The following PLXDC2 variants were observed in gnomAD, a reference collection of about 807,000 sequenced individuals.
PLXDC2 encodes plexin domain-containing protein 2.
PLXDC2 carries 40 observed loss-of-function variants against 68.9 expected under a neutral mutation model. The observed-to-expected ratio is 0.58, with a 90% CI of 0.45 to 0.76. The LOEUF is 0.76. Ranked by LOEUF, PLXDC2 falls within the 30% of genes least tolerant of loss-of-function variation. The probability of loss-of-function intolerance (pLI) is 0.00; values close to 1 mark genes in which losing one functional copy is unlikely to be tolerated. For missense variants in PLXDC2, 644 were observed against 661.9 expected (o/e 0.97, Z 0.30); for synonymous variants, 243 against 234.2 (o/e 1.04, Z -0.34).
intron 9 of PLXDC2, among the ~76,000 whole-genome samples, chr10:20,184,990 A>T (rs61854618): frequency 0.24 from 36,085 of 151,204 alleles, 5,647 homozygotes; most frequent in Middle Eastern, 0.36. Context: ...ACACACTGGG[A>T]CCCGTCAGGG....
intron 2 of PLXDC2, among the ~76,000 whole-genome samples, chr10:20,021,745 G>A (rs1835313437): frequency 6.6e-6 from 1 of 151,452 alleles, no homozygotes; most frequent in Non-Finnish European, 1.5e-5. Context: ...TGTTGCCCAG[G>A]CTGGAGTGCA....
chr10:19,941,476 T>G (rs1487860894), intron 1 of PLXDC2, among the ~76,000 whole-genome samples: 1 of 152,360 alleles, frequency 6.6e-6, no homozygotes, highest in African/African-American at 2.4e-5. Context: ...GAGCATTTTG[T>G]TGGCACATTG....
intron 1 of PLXDC2, among the ~76,000 whole-genome samples, chr10:19,848,825 A>T (rs368198795): frequency 1.3e-5 from 2 of 151,570 alleles, no homozygotes; most frequent in South Asian, 4.2e-4. Flanking sequence ...GAAGGGGAGG[A>T]TGGCAGGTTT....
At chr10:20,089,841 A>G (rs1833252834) in intron 4 of PLXDC2, among the ~76,000 whole-genome samples, 1 of 152,252 alleles carries the variant, frequency 6.6e-6, no homozygotes. Flanking sequence ...AGAAACACAG[A>G]ACAAATAAAA....
chr10:20,199,921 G>T (rs891229278), intron 9 of PLXDC2, among the ~76,000 whole-genome samples: 46 of 151,808 alleles, frequency 3.0e-4, no homozygotes, highest in African/African-American at 1.0e-3. Context: ...TTTTAAATTT[G>T]GTTCTTACTT....
At chr10:20,153,704 C>G (rs1168980867) in intron 6 of PLXDC2, among the ~76,000 whole-genome samples, 1 of 152,140 alleles carries the variant, frequency 6.6e-6, no homozygotes, top group Non-Finnish European at 1.5e-5. Flanking sequence ...TGAGTAGCTA[C>G]TTTTGTCATT....
intron 2 of PLXDC2, among the ~76,000 whole-genome samples, chr10:20,025,644 T>G (rs1371430722): frequency 6.6e-6 from 1 of 152,108 alleles, no homozygotes; most frequent in African/African-American, 2.4e-5. Context: ...TGACGATTAG[T>G]GGTGATAATC....
At chr10:19,982,246 A>G (rs368516832) in intron 1 of PLXDC2, among the ~76,000 whole-genome samples, 23 of 152,370 alleles carry the variant, frequency 1.5e-4, no homozygotes, top group African/African-American at 5.3e-4. Flanking sequence ...AGAAACGACA[A>G]CATGTCACAT....
chr10:19,940,096 C>G (rs1213671775), intron 1 of PLXDC2, among the ~76,000 whole-genome samples: 1 of 151,678 alleles, frequency 6.6e-6, no homozygotes, highest in Non-Finnish European at 1.5e-5. Flanking sequence ...GCGAAAGAAT[C>G]TCAAGACTAG....
intron 13 of PLXDC2, among the ~76,000 whole-genome samples, chr10:20,259,328 A>G (rs2119363238): frequency 6.6e-6 from 1 of 152,338 alleles, no homozygotes; most frequent in Non-Finnish European, 1.5e-5. Context: ...TTAACAGTAA[A>G]TGCAAAAAGA....
intron 13 of PLXDC2, among the ~76,000 whole-genome samples, chr10:20,270,617 T>C (rs1473822717): frequency 1.3e-5 from 2 of 152,040 alleles, no homozygotes; most frequent in African/African-American, 4.8e-5. Context: ...TGGTCTTGGC[T>C]CACTGCAATC....
intron 4 of PLXDC2, among the ~76,000 whole-genome samples, chr10:20,111,059 C>G (rs1399464216): frequency 6.6e-6 from 1 of 152,190 alleles, no homozygotes; most frequent in Non-Finnish European, 1.5e-5. Context: ...CCTAGTTATA[C>G]AACAGAAATC....
At chr10:20,211,853 A>C in intron 10 of PLXDC2, 124 bp downstream of exon 10, 1 of 873,950 alleles carries the variant, frequency 1.1e-6, no homozygotes, top group Admixed American at 2.7e-5. Flanking sequence ...GAATCCTTCT[A>C]TAAGCCCAAT....
intron 2 of PLXDC2, among the ~76,000 whole-genome samples, chr10:20,002,507 C>T (rs993752282): frequency 1.3e-5 from 2 of 152,102 alleles, no homozygotes; most frequent in Admixed American, 6.6e-5. Context: ...GATCCACCCA[C>T]GAAGGCCTCC....
In PLXDC2 at chr10:19,849,313, C is replaced by G. The variant is rs1174051557; in HGVS notation, c.112+32122C>G. On this transcript the variant is annotated intron_variant, in intron 1 of 13. Coordinates refer to ENST00000377252, the MANE Select transcript of PLXDC2 (RefSeq NM_032812.9). ...ATGTAGACAAGTATTCTGTCTCGCTCTCTCTCTCACACATACACACACAAG... is the reference window on the plus strand; with the variant it reads ...ATGTAGACAAGTATTCTGTCTCGCTGTCTCTCTCACACATACACACACAAG... Among the ~76,000 whole-genome samples, 5 of 84,478 alleles carry G rather than the reference C, an allele frequency of 5.9e-5. No individual in the cohort carries two copies. In the Middle Eastern group the frequency reaches 0.019, roughly 329 times the overall value. The allele number at this position is 84,478 out of a possible 152,430, so 55.4% of individuals were successfully genotyped here. A position where few individuals can be genotyped will look rare whatever the true frequency, so the allele number is the denominator to read the frequency against.
At chr10:20,101,335 T>C (rs1295265441) in intron 4 of PLXDC2, among the ~76,000 whole-genome samples, 1 of 152,184 alleles carries the variant, frequency 6.6e-6, no homozygotes, top group Admixed American at 6.5e-5. Flanking sequence ...TAAAGCAAAC[T>C]CCTGTCAACT....
At chr10:19,965,926 C>T (rs2131606706) in intron 1 of PLXDC2, among the ~76,000 whole-genome samples, 1 of 152,154 alleles carries the variant, frequency 6.6e-6, no homozygotes, top group Admixed American at 6.5e-5. Flanking sequence ...AACAAGATCT[C>T]AGTCTCAATT....
At chr10:20,148,360 C>T (rs1326479817) in intron 6 of PLXDC2, among the ~76,000 whole-genome samples, 1 of 151,794 alleles carries the variant, frequency 6.6e-6, no homozygotes, top group East Asian at 1.9e-4. Context: ...CTCAAGGACC[C>T]AGTACTGAGA....
At chr10:19,935,049 G>A (rs540105163) in intron 1 of PLXDC2, among the ~76,000 whole-genome samples, 24 of 152,152 alleles carry the variant, frequency 1.6e-4, no homozygotes, top group Non-Finnish European at 2.5e-4. Flanking sequence ...TGAAAATTTC[G>A]TAGAAGAGTC....
Sources: allele counts gnomAD v4.1 joint callset (sites outside exome capture counted in the v4.1 genomes callset), GRCh38; gene constraint gnomAD v4.1.1; transcripts MANE v1.5; gene names NCBI Gene and HGNC (gene_info 2026-07-23, HGNC 2026-07-21).